The following STAG1 variants were observed in gnomAD, a reference collection of about 807,000 sequenced individuals.
STAG1 encodes cohesin subunit SA-1.
A neutral mutation model predicts 170.9 loss-of-function variants in STAG1; 26 were observed. The observed-to-expected ratio is 0.15, with a 90% CI of 0.11 to 0.21. STAG1 has a LOEUF of 0.21. STAG1 is among the 10% of genes least tolerant of loss of function. STAG1 has a pLI of 1.00. For missense variants in STAG1, 964 were observed against 1,509.5 expected, an observed-to-expected ratio of 0.64 and a Z score of 5.99; for synonymous variants, 514 against 497.7, an observed-to-expected ratio of 1.03 and a Z score of -0.44.
rs757282333 is a variant in STAG1 at position 136,415,019 on chromosome 3, A to G, written c.2196+2866T>C. 2.8e-4 allele frequency among the ~76,000 whole-genome samples: 42 copies of G among 152,210 alleles called. 1 individual carries two copies. The highest frequency in any genetic ancestry group is 5.0e-4 in the Non-Finnish European group (34 of 68,030). ...ATGTGGGTACAGTTCATGGTGCCCC[A>G]AAACAATTACAATAGAACATCAAAG... is the stretch of plus-strand genomic sequence containing the variant. On this transcript the variant is annotated intron_variant, in intron 21 of 33. Transcript: ENST00000383202.
intron 9 of STAG1, among the ~76,000 whole-genome samples, chr3:136,488,713 A>G (rs1009205147): frequency 5.9e-5 from 9 of 152,116 alleles, no homozygotes; most frequent in African/African-American, 2.2e-4. Context: ...ATTATTATAT[A>G]TTTGCTTTCT....
chr3:136,533,164 T>C (rs551617261), intron 6 of STAG1, among the ~76,000 whole-genome samples: 5 of 152,138 alleles, frequency 3.3e-5, no homozygotes, highest in African/African-American at 7.2e-5. Context: ...TTACAACAGC[T>C]AGAAAAAATA....
At chr3:136,552,469 T>C (rs542956000) in intron 5 of STAG1, among the ~76,000 whole-genome samples, 1 of 152,310 alleles carries the variant, frequency 6.6e-6, no homozygotes, top group East Asian at 1.9e-4. Context: ...TGAAAGCATC[T>C]GAAGCCATAT....
chr3:136,711,961 C>CA (rs1364993531), intron 1 of STAG1, among the ~76,000 whole-genome samples: 11 of 152,118 alleles, frequency 7.2e-5, no homozygotes, highest in Non-Finnish European at 1.6e-4. Flanking sequence ...AAACAGAACA[C>CA]AAAAAAGCAC....
At chr3:136,455,950 T>C (rs933657270) in intron 13 of STAG1, among the ~76,000 whole-genome samples, 3 of 152,188 alleles carry the variant, frequency 2.0e-5, no homozygotes, top group African/African-American at 7.2e-5. Flanking sequence ...GGTTCTGGAA[T>C]ACTGTTTAAA....
chr3:136,439,465 G>A (rs939429282), intron 15 of STAG1, among the ~76,000 whole-genome samples: 2 of 145,040 alleles, frequency 1.4e-5, no homozygotes, highest in Non-Finnish European at 3.0e-5. Flanking sequence ...CAGTCTTAAG[G>A]CCACTGTGAT....
At chr3:136,410,292 T>C (rs969958255) in intron 21 of STAG1, among the ~76,000 whole-genome samples, 15 of 151,666 alleles carry the variant, frequency 9.9e-5, no homozygotes, top group African/African-American at 3.4e-4. Flanking sequence ...CCCAGCTACT[T>C]GGGAGGCTGA....
At chr3:136,389,535 T>C (rs2086953697) in intron 22 of STAG1, among the ~76,000 whole-genome samples, 1 of 152,152 alleles carries the variant, frequency 6.6e-6, no homozygotes, top group Non-Finnish European at 1.5e-5. Context: ...ATCATTCTTT[T>C]CTGAGATGGA....
At chr3:136,433,305 AAT>A (rs989127492) in intron 16 of STAG1, among the ~76,000 whole-genome samples, 3 of 151,122 alleles carry the variant, frequency 2.0e-5, no homozygotes, top group Admixed American at 6.6e-5. Context: ...AAATCCTTAA[AAT>A]ATATATATAT....
At chr3:136,521,468 T>G (rs976465937) in intron 6 of STAG1, 51 bp from the exon 7 acceptor site, 3 of 1,547,116 alleles carry the variant, frequency 1.9e-6, no homozygotes, top group Non-Finnish European at 2.7e-6. Flanking sequence ...CAGAGTTTGA[T>G]GAAAGCTTTT....
At chr3:136,522,031 T>C (rs1050923302) in intron 6 of STAG1, among the ~76,000 whole-genome samples, 2 of 152,220 alleles carry the variant, frequency 1.3e-5, no homozygotes, top group Non-Finnish European at 2.9e-5. Context: ...TTGTGTCATC[T>C]TGTTTTAAAA....
chr3:136,667,929 T>G (rs998586270), intron 1 of STAG1, among the ~76,000 whole-genome samples: 7 of 152,146 alleles, frequency 4.6e-5, no homozygotes, highest in Admixed American at 4.6e-4. Context: ...GGCTCATGCC[T>G]GTAATCCCAG....
At chr3:136,453,674 A>T (rs1254181933) in intron 13 of STAG1, among the ~76,000 whole-genome samples, 3 of 151,944 alleles carry the variant, frequency 2.0e-5, no homozygotes, top group African/African-American at 4.8e-5. Flanking sequence ...ACAAACGACA[A>T]AATCCCTGTT....
intron 1 of STAG1, among the ~76,000 whole-genome samples, chr3:136,675,873 G>C (rs748007635): frequency 3.3e-5 from 5 of 152,192 alleles, no homozygotes; most frequent in Non-Finnish European, 7.3e-5. Context: ...ACTCCACAAT[G>C]TGCAATGAAG....
chr3:136,692,726 G>GT (rs943902742), intron 1 of STAG1, among the ~76,000 whole-genome samples: 2 of 152,010 alleles, frequency 1.3e-5, no homozygotes, highest in Non-Finnish European at 2.9e-5. Context: ...CAACCATGAA[G>GT]TTTTTTTTAA....
intron 6 of STAG1, among the ~76,000 whole-genome samples, chr3:136,523,282 C>T (rs934852282): frequency 1.3e-5 from 2 of 152,154 alleles, no homozygotes; most frequent in African/African-American, 4.8e-5. Context: ...GAGATGGTAT[C>T]TCACTGTGGT....
At chr3:136,549,271 G>A (rs1297215829) in intron 5 of STAG1, among the ~76,000 whole-genome samples, 1 of 151,788 alleles carries the variant, frequency 6.6e-6, no homozygotes, top group East Asian at 1.9e-4. Context: ...TTGCCGAATT[G>A]ATTGATGAAT....
In STAG1 at chr3:136,725,205, T is replaced by G. The variant is rs1440963382; in HGVS notation, c.-84+26990A>C. 3.3e-5 allele frequency among the ~76,000 whole-genome samples: 5 copies of G among 152,280 alleles called. No individual in the cohort carries two copies. The East Asian group carries it at 9.6e-4, about 29-fold the overall frequency. On this transcript the variant is annotated intron_variant, in intron 1 of 33. Coordinates refer to ENST00000383202, the MANE Select transcript of STAG1 (RefSeq NM_005862.3). ...TGAACCTTTACCAAAAATCTTACCC[T>G]AAGCAAATGAGTCACTCTATACATC...
intron 15 of STAG1, among the ~76,000 whole-genome samples, chr3:136,433,976 T>C (rs2088383528): frequency 6.6e-6 from 1 of 152,132 alleles, no homozygotes; most frequent in African/African-American, 2.4e-5. Flanking sequence ...TAATTTTTCT[T>C]TTTTAATGAA....
Sources: allele counts gnomAD v4.1 joint callset (sites outside exome capture counted in the v4.1 genomes callset), GRCh38; gene constraint gnomAD v4.1.1; transcripts MANE v1.5; gene names NCBI Gene and HGNC (gene_info 2026-07-23, HGNC 2026-07-21).